RAPSN: variants seen among roughly 807,000 people sequenced by gnomAD.
RAPSN encodes receptor associated protein of the synapse.
A neutral mutation model predicts 45.7 loss-of-function variants in RAPSN; 33 were observed. The observed-to-expected ratio is 0.72, with a 90% CI of 0.55 to 0.97. RAPSN has a LOEUF of 0.97. Among genes scored for constraint, RAPSN ranks in the 50% least tolerant of loss-of-function variants. RAPSN has a pLI of 0.00. For missense variants in RAPSN, 519 were observed against 559.4 expected, an observed-to-expected ratio of 0.93 and a Z score of 0.73; for synonymous variants, 244 against 233.6, an observed-to-expected ratio of 1.04 and a Z score of -0.40.
At position 47,449,011 on chromosome 11, in the gene RAPSN, G is replaced by A. The variant is rs777572677; in HGVS notation, c.-47C>T. On this transcript the variant is annotated 5_prime_UTR_variant, in exon 1 of 8. In the 5' UTR this introduces an upstream ATG that the reference lacks. Transcript: ENST00000298854. ...ACGTGGGGTGATCCCTGGTGGCTCC[G>A]TGCCTCTAGGCACTCATGGGGCAGG... The A allele has an allele frequency of 1.4e-5, 22 of 1,609,030 alleles. No individual in the cohort carries two copies. The highest frequency in any genetic ancestry group is 1.7e-4 in the Middle Eastern group (1 of 6,060).
At position 47,447,918 on chromosome 11, in the gene RAPSN, G is replaced by T. The variant is rs368695664; in HGVS notation, c.425C>A (p.Ala142Asp). Residue 142 changes from alanine to aspartate, a missense_variant, in exon 2 of 8, where the codon GCC (alanine) becomes GAC (aspartate). Ala to Asp is a moderately radical substitution (Grantham distance 126). Transcript: ENST00000298854. Reference protein sequence around the residue: ...AFLGLSVFQKALESFEKALRY... With the variant: ...AFLGLSVFQKDLESFEKALRY... ...CAGGGCCTTCTCGAAGCTCTCCAGG[G>T]CCTTCTGGAAGACGCTGAGGCCCAG... The T allele has an allele frequency of 3.1e-6, 5 of 1,613,280 alleles. No individual in the cohort carries two copies. The highest frequency in any genetic ancestry group is 4.2e-6 in the Non-Finnish European group (5 of 1,179,868).
At chr11:47,442,919 C>T (rs1595899608) in intron 2 of RAPSN, 105 bp from the exon 3 acceptor site, 3 of 1,560,954 alleles carry the variant, frequency 1.9e-6, no homozygotes, top group Non-Finnish European at 1.7e-6. Context: ...GGGCAGGGGG[C>T]CCGAGTGTCT....
chr11:47,448,084 G>C lies in RAPSN; in HGVS notation c.259C>G (p.Leu87Val). Residue 87 changes from leucine (L) to valine (V), a missense_variant, in exon 2 of 8, where the codon CTG becomes GTG. Leu to Val is a conservative substitution (Grantham distance 32, BLOSUM62 1). Transcript: ENST00000298854. ...TTCTCGTTGCTGCGTGCCAGGTTCAGGTAGCTCTCCAGGAGGAAGTCGGCA... is the reference window on the plus strand; with the variant it reads ...TTCTCGTTGCTGCGTGCCAGGTTCACGTAGCTCTCCAGGAGGAAGTCGGCA... ...EDADFLLESY[L>V]NLARSNEKLC... 1 of 1,613,976 alleles carries C rather than the reference G, an allele frequency of 6.2e-7. No individual in the cohort carries two copies. The highest frequency in any genetic ancestry group is 8.5e-7 in the Non-Finnish European group (1 of 1,180,000).
Position 47,448,935 on chromosome 11 carries a change from G to A in RAPSN, c.30C>T (p.Ile10=), listed in dbSNP as rs768838402. ...ACTGGTACAGCTGGAGCCCCTTCTC[G>A]ATCTGCTGCTTGGTCTGGTCCTGCC... MGQDQTKQQ[I]EKGLQLYQSN... Residue 10 remains isoleucine, a synonymous_variant, in exon 1 of 8, where the codon ATC becomes ATT. Coordinates refer to ENST00000298854, the MANE Select transcript of RAPSN (RefSeq NM_005055.5). 9.9e-6 allele frequency: 16 copies of A among 1,614,054 alleles called. No individual in the cohort carries two copies. The African/African-American group carries it at 1.5e-4, about 15-fold the overall frequency.
intron 6 of RAPSN, among the ~76,000 whole-genome samples, chr11:47,439,400 G>C (rs558938921): frequency 3.7e-4 from 57 of 152,316 alleles, no homozygotes; most frequent in Non-Finnish European, 6.5e-4. Context: ...CTTGAACCCA[G>C]GAGGCGGAGG....
In RAPSN at chr11:47,442,589, G is replaced by A. The variant is rs955632590; in HGVS notation, c.690+67C>T. The A allele has an allele frequency of 9.5e-5, 149 of 1,560,636 alleles. 3 individuals are homozygous for A. The South Asian group carries it at 9.9e-4, about 10-fold the overall frequency. On this transcript the variant is annotated intron_variant, in intron 3 of 7. Transcript: ENST00000298854. ...TGATTTGGAAGAAGGAAGCCCTGCT[G>A]TCCCAGGCCCCAGCCCCTGGCCCAC...
At position 47,441,176 on chromosome 11, in the gene RAPSN, C is replaced by T. The variant is rs772054419; in HGVS notation, c.949G>A (p.Glu317Lys). 3.5e-5 allele frequency: 56 copies of T among 1,613,946 alleles called. No individual in the cohort carries two copies. Among genetic ancestry groups the T allele is most frequent in the Admixed American group, 1.5e-4 (9 of 59,990 alleles). ...AGTCTGACCTTGTTCCCCACCTCCT[C>T]GGCCAGATCCTGGGCTCTCTCGATG... ...DAIERAQDLA[E>K]EVGNKLSQLK... Residue 317 changes from glutamate (E) to lysine (K), a missense_variant, in exon 6 of 8, where the codon GAG (glutamate) becomes AAG (lysine). Transcript: ENST00000298854.
intron 1 of RAPSN, 98 bp from the exon 2 acceptor site, chr11:47,448,248 A>AC (rs1213770616): frequency 6.3e-6 from 8 of 1,270,460 alleles, no homozygotes; most frequent in Non-Finnish European, 8.9e-6. Flanking sequence ...CCCCACACCC[A>AC]CCCCCCAGCC....
chr11:47,439,389 G>A (rs71475913), intron 6 of RAPSN, among the ~76,000 whole-genome samples: 1 of 152,126 alleles, frequency 6.6e-6, no homozygotes. Context: ...CAGGAGAATC[G>A]CTTGAACCCA....
In RAPSN at chr11:47,437,984, G is replaced by A. The variant is rs1323679695; in HGVS notation, c.1230C>T (p.Gly410=). Residue 410 remains glycine (G), a synonymous_variant, in exon 8 of 8, where the codon GGC becomes GGT. Coordinates refer to ENST00000298854, the MANE Select transcript of RAPSN (RefSeq NM_005055.5). ...CGCCTGCTGCCAGGAGTCATACAAA[G>A]CCAGGCTTCATGGATGAGCGGCGGC... ...PNCRRSSMKP[G]FV The A allele has an allele frequency of 6.4e-7, 1 of 1,550,870 alleles. No homozygotes were observed. Among genetic ancestry groups the A allele is most frequent in the South Asian group, 1.2e-5 (1 of 84,028 alleles).
At chr11:47,441,387 C>G (rs141828544) in intron 5 of RAPSN, among the ~76,000 whole-genome samples, 175 bp from the exon 6 acceptor site, 1 of 152,286 alleles carries the variant, frequency 6.6e-6, no homozygotes, top group East Asian at 1.9e-4. Context: ...GGCAAGTGAC[C>G]TCCTGCCTCA....
chr11:47,441,405 C>G (rs2076360897), intron 5 of RAPSN, 193 bp from the exon 6 acceptor site: 1 of 1,200,626 alleles, frequency 8.3e-7, no homozygotes. Context: ...TCAGTTTACC[C>G]AGGGTTCCAG....
At chr11:47,444,787 G>C (rs994327267) in intron 2 of RAPSN, among the ~76,000 whole-genome samples, 20 of 144,380 alleles carry the variant, frequency 1.4e-4, no homozygotes, top group African/African-American at 5.2e-4. Flanking sequence ...GAATCTGGGA[G>C]ACAGAGGTTG....
chr11:47,446,805 T>C (rs760057611), intron 2 of RAPSN, among the ~76,000 whole-genome samples: 17 of 152,168 alleles, frequency 1.1e-4, no homozygotes, highest in Non-Finnish European at 1.9e-4. Flanking sequence ...CTTGGGAGGC[T>C]GGGGCAGGAG....
At position 47,438,784 on chromosome 11, in the gene RAPSN, C is replaced by T. The variant is rs1392137684; in HGVS notation, c.1114G>A (p.Glu372Lys). ...AGGGCCTGCAGCCGGCTGTTCTTCT[C>T]GCCTATGGACTCGCCGCACAGGCCG... ...YCGLCGESIGEKNSRLQALPC... is the reference protein window; with the variant it reads ...YCGLCGESIGKKNSRLQALPC... The change falls in exon 7 of 8, where the codon GAG becomes AAG. Residue 372 changes from glutamate to lysine, a missense_variant. Physicochemically the swap from Glu to Lys is moderately conservative, Grantham distance 56. Coordinates refer to ENST00000298854, the MANE Select transcript of RAPSN (RefSeq NM_005055.5). 9 of 1,568,036 alleles carry T rather than the reference C, an allele frequency of 5.7e-6. No individual in the cohort carries two copies. The highest frequency in any genetic ancestry group is 3.5e-5 in the South Asian group (3 of 85,672).
chr11:47,437,846 G>T lies in RAPSN; in HGVS notation c.*129C>A. The T allele has an allele frequency of 8.4e-7, 1 of 1,194,770 alleles. No homozygotes were observed. The highest frequency in any genetic ancestry group is 1.2e-6 in the Non-Finnish European group (1 of 828,158). The allele number at this position is 1,194,770 out of a possible 1,614,324, so 74.0% of individuals were successfully genotyped here. On this transcript the variant is annotated 3_prime_UTR_variant, in exon 8 of 8. Transcript: ENST00000298854. ...GAGCTGGGCCCAGGGGAGCAGCCCT[G>T]GGCAGGCCCCAAGGCCTTGGCTATG...
At chr11:47,440,217 C>G (rs2076352422) in intron 6 of RAPSN, among the ~76,000 whole-genome samples, 1 of 152,114 alleles carries the variant, frequency 6.6e-6, no homozygotes, top group South Asian at 2.1e-4. Flanking sequence ...AGAGTGAGGA[C>G]TGGACCCAGT....
intron 6 of RAPSN, among the ~76,000 whole-genome samples, chr11:47,440,554 C>G (rs1244905528): frequency 2.6e-5 from 4 of 152,166 alleles, no homozygotes; most frequent in Non-Finnish European, 5.9e-5. Context: ...TTCAGACAAG[C>G]CTGGCCAACG....
chr11:47,438,835 A>T lies in RAPSN; in HGVS notation c.1063T>A (p.Cys355Ser). The T allele has an allele frequency of 6.4e-7, 1 of 1,573,632 alleles. No homozygotes were observed. The highest frequency in any genetic ancestry group is 8.6e-7 in the Non-Finnish European group (1 of 1,158,772). Reference protein sequence around the residue: ...LRAHVVRFHECVEETELYCGL... With the variant: ...LRAHVVRFHESVEETELYCGL... ...CAGTAGAGCTCCGTCTCCTCCACGC[A>T]CTCGTGGAACCTCACAACGTGCGCC... Residue 355 changes from cysteine (C) to serine (S), a missense_variant, in exon 7 of 8, where the codon TGC (cysteine) becomes AGC (serine). Physicochemically the swap from Cys to Ser is moderately radical, Grantham distance 112. Transcript: ENST00000298854.
Sources: allele counts gnomAD v4.1 joint callset (sites outside exome capture counted in the v4.1 genomes callset), GRCh38; gene constraint gnomAD v4.1.1; transcripts MANE v1.5; gene names NCBI Gene and HGNC (gene_info 2026-07-23, HGNC 2026-07-21).